ZNF407: variants seen among roughly 807,000 people sequenced by gnomAD.
The protein encoded by ZNF407 is zinc finger protein 407.
In ZNF407, 17 loss-of-function variants were observed where a neutral mutation model predicts 131.2. The observed-to-expected ratio is 0.13, with a 90% CI of 0.09 to 0.19. ZNF407 has a LOEUF of 0.19. Ranked by LOEUF, ZNF407 falls within the 10% of genes least tolerant of loss-of-function variation. The pLI is 1.00. For synonymous variants in ZNF407, 1,156 were observed against 1,062.0 expected, an observed-to-expected ratio of 1.09 and a Z score of -1.72; for missense variants, 2,681 against 2,830.6, an observed-to-expected ratio of 0.95 and a Z score of 1.20.
At chr18:74,973,335 C>T (rs1020483237) in intron 8 of ZNF407, among the ~76,000 whole-genome samples, 2 of 152,134 alleles carry the variant, frequency 1.3e-5, no homozygotes, top group African/African-American at 2.4e-5. Context: ...TTGCTTCAGT[C>T]ACCAAACATA....
At chr18:75,039,567 A>T (rs1439426412) in intron 8 of ZNF407, among the ~76,000 whole-genome samples, 1 of 152,122 alleles carries the variant, frequency 6.6e-6, no homozygotes, top group African/African-American at 2.4e-5. Context: ...GTAATTATCC[A>T]CACTGTTTCC....
intron 4 of ZNF407, among the ~76,000 whole-genome samples, chr18:74,801,796 A>G (rs532538061): frequency 2.4e-4 from 36 of 152,182 alleles, no homozygotes; most frequent in Non-Finnish European, 4.6e-4. Context: ...GTTACCGCTT[A>G]AATTGATGCT....
intron 3 of ZNF407, among the ~76,000 whole-genome samples, chr18:74,741,020 CAGTAGCTGGAA>C (rs1968536338): frequency 6.6e-6 from 1 of 152,140 alleles, no homozygotes; most frequent in Non-Finnish European, 1.5e-5. Flanking sequence ...GTCCCAGTAG[CAGTAGCTGGAA>C]GGCAGCTGCA....
At chr18:75,004,577 G>A (rs745330548) in intron 8 of ZNF407, among the ~76,000 whole-genome samples, 22 of 152,292 alleles carry the variant, frequency 1.4e-4, no homozygotes, top group Admixed American at 8.5e-4. Flanking sequence ...TCTTGCTCGA[G>A]AGCCACCTGG....
intron 8 of ZNF407, among the ~76,000 whole-genome samples, chr18:74,958,024 C>T (rs949943843): frequency 2.0e-5 from 3 of 152,178 alleles, no homozygotes; most frequent in Non-Finnish European, 4.4e-5. Flanking sequence ...AGGAACTGCT[C>T]AGGTATTTGT....
At chr18:74,724,805 A>G (rs1438162634) in intron 3 of ZNF407, among the ~76,000 whole-genome samples, 1 of 152,084 alleles carries the variant, frequency 6.6e-6, no homozygotes, top group Non-Finnish European at 1.5e-5. Context: ...ACATCTTTGC[A>G]TATATTTTTG....
At position 74,727,966 on chromosome 18, in the gene ZNF407, G is replaced by A. The variant is rs563283604; in HGVS notation, c.4803-53462G>A. Among the ~76,000 whole-genome samples, 39 of 152,300 alleles carry A rather than the reference G, an allele frequency of 2.6e-4. No homozygotes were observed. In the South Asian group the frequency reaches 7.3e-3, roughly 28 times the overall value. ...CCAGTGATGAGCTTTTTGCTTCAGT[G>A]TGCTGGGGAGAAGGAGAGTGATGGA... is the stretch of plus-strand genomic sequence containing the variant. On this transcript the variant is annotated intron_variant, in intron 3 of 8. Coordinates refer to ENST00000299687, the MANE Select transcript of ZNF407 (RefSeq NM_017757.3).
chr18:74,619,026 C>T (rs1027404909), intron 1 of ZNF407, among the ~76,000 whole-genome samples: 6 of 152,104 alleles, frequency 3.9e-5, no homozygotes, highest in East Asian at 1.9e-4. Context: ...GATTAGTTGT[C>T]GTATTTCATC....
chr18:74,687,591 A>G (rs1189639721), intron 3 of ZNF407, among the ~76,000 whole-genome samples: 1 of 152,194 alleles, frequency 6.6e-6, no homozygotes, highest in Non-Finnish European at 1.5e-5. Context: ...TTACCTTGTG[A>G]AAAATTGTAG....
intron 8 of ZNF407, among the ~76,000 whole-genome samples, chr18:75,027,189 G>C (rs1270338653): frequency 6.6e-6 from 1 of 152,304 alleles, no homozygotes; most frequent in East Asian, 1.9e-4. Context: ...GACTGAGCAC[G>C]GAGACCTTTG....
chr18:74,997,338 A>G (rs913447583), intron 8 of ZNF407, among the ~76,000 whole-genome samples: 37 of 152,168 alleles, frequency 2.4e-4, no homozygotes, highest in African/African-American at 8.9e-4. Context: ...AGGGCTTCAC[A>G]ATTAGGGGCC....
intron 3 of ZNF407, among the ~76,000 whole-genome samples, chr18:74,738,550 C>A (rs909610828): frequency 2.1e-5 from 3 of 144,468 alleles, no homozygotes; most frequent in African/African-American, 5.8e-5. Context: ...CCAATCTGAC[C>A]AACATAATGA....
intron 8 of ZNF407, among the ~76,000 whole-genome samples, chr18:74,961,544 C>A (rs537940374): frequency 8.0e-4 from 122 of 152,036 alleles, no homozygotes; most frequent in African/African-American, 2.8e-3. Flanking sequence ...CATGATGAAA[C>A]CCCATCTCTA....
rs377540468 is a variant in ZNF407, at chr18:74,633,223, T to C, written c.2204T>C (p.Leu735Pro). Residue 735 changes from leucine (L) to proline (P), a missense_variant, in exon 2 of 9, where the codon CTT becomes CCT. Transcript: ENST00000299687. ...KLRHGQDYHF[L>P]CKACNLYSLS... ...CGGCATGGTCAAGACTATCATTTTC[T>C]TTGTAAAGCTTGTAATCTTTATTCA... is the stretch of plus-strand genomic sequence containing the variant. 3.7e-6 allele frequency: 6 copies of C among 1,613,816 alleles called. No individual in the cohort carries two copies. In the African/African-American group the frequency reaches 8.0e-5, roughly 22 times the overall value.
intron 3 of ZNF407, among the ~76,000 whole-genome samples, chr18:74,748,145 T>G (rs1968714109): frequency 6.6e-6 from 1 of 152,284 alleles, no homozygotes; most frequent in East Asian, 1.9e-4. Context: ...CTATAAAGTT[T>G]CTTTTCCCAG....
intron 8 of ZNF407, among the ~76,000 whole-genome samples, chr18:75,035,725 C>T (rs1181181710): frequency 6.6e-6 from 1 of 152,248 alleles, no homozygotes; most frequent in Non-Finnish European, 1.5e-5. Flanking sequence ...AGTGAAATCT[C>T]ATGTGTATCT....
chr18:74,841,099 G>A lies in ZNF407; in HGVS notation c.4878-36098G>A, dbSNP rs147413213. ...CGGTGTGCTGGGCTCTTCGCAAGGC[G>A]TGCCCCCTCTTCAGTGCCCTTTACT... On this transcript the variant is annotated intron_variant, in intron 4 of 8. Coordinates refer to ENST00000299687, the MANE Select transcript of ZNF407 (RefSeq NM_017757.3). Among the ~76,000 whole-genome samples, 1,517 of 152,304 alleles carry A rather than the reference G, an allele frequency of 1.0e-2. 28 individuals carry two copies. Among genetic ancestry groups the A allele is most frequent in the African/African-American group, 0.035 (1,460 of 41,552 alleles).
intron 8 of ZNF407, among the ~76,000 whole-genome samples, chr18:75,014,699 G>A (rs1286461310): frequency 6.6e-6 from 1 of 152,022 alleles, no homozygotes; most frequent in Non-Finnish European, 1.5e-5. Context: ...GTCTCCGTTA[G>A]TCTTTTTCAT....
At chr18:75,049,571 A>T (rs1973475969) in intron 8 of ZNF407, among the ~76,000 whole-genome samples, 1 of 152,142 alleles carries the variant, frequency 6.6e-6, no homozygotes, top group African/African-American at 2.4e-5. Flanking sequence ...GGTTTTTTTA[A>T]TAGGAGTCTC....
Sources: gnomAD v4.1 joint callset for allele counts (sites outside exome capture counted in the v4.1 genomes callset) on GRCh38, gnomAD v4.1.1 for gene constraint, MANE v1.5 for transcripts, NCBI Gene and HGNC (gene_info 2026-07-23, HGNC 2026-07-21) for gene names.